The following NLRP11 variants were observed in gnomAD, a reference collection of about 807,000 sequenced individuals.
NLRP11 encodes the protein NLR family pyrin domain containing 11.
In NLRP11, 53 loss-of-function variants were observed where a neutral mutation model predicts 79.3. The ratio of observed to expected loss-of-function variants is 0.67; its 90% confidence interval spans 0.54 to 0.84. NLRP11 has a LOEUF of 0.84. Ranked by LOEUF, NLRP11 falls within the 40% of genes least tolerant of loss-of-function variation. NLRP11 has a pLI of 0.00. For synonymous variants in NLRP11, 518 were observed against 462.6 expected (o/e 1.12, Z -1.54); for missense variants, 1,264 against 1,255.0 (o/e 1.01, Z -0.11).
At chr19:55,832,574 C>G (rs1982902262), upstream of NLRP11, among the ~76,000 whole-genome samples, 1 of 152,238 alleles carries the variant, frequency 6.6e-6, no homozygotes, top group African/African-American at 2.4e-5. Context: ...GCGCAGGTAT[C>G]TGCTTTAGTC....
chr19:55,810,796 C>G (rs1267939024), intron 2 of NLRP11, among the ~76,000 whole-genome samples: 3 of 152,206 alleles, frequency 2.0e-5, no homozygotes, highest in Admixed American at 6.5e-5. Context: ...CTGCGCCCGG[C>G]CCATATTGCT....
chr19:55,794,168 G>A (rs1161088843), intron 6 of NLRP11, among the ~76,000 whole-genome samples: 3 of 152,092 alleles, frequency 2.0e-5, no homozygotes, highest in Admixed American at 6.5e-5. Flanking sequence ...AAATTATATT[G>A]TAGTGTTGTA....
At chr19:55,805,277 AAG>A (rs1189508251) in intron 4 of NLRP11, among the ~76,000 whole-genome samples, 11 of 152,146 alleles carry the variant, frequency 7.2e-5, no homozygotes, top group African/African-American at 2.6e-4. Context: ...CATTAAAGGA[AAG>A]AGACGGGAAG....
At chr19:55,817,175 T>A (rs200135575) in intron 2 of NLRP11, among the ~76,000 whole-genome samples, 4 of 150,590 alleles carry the variant, frequency 2.7e-5, no homozygotes, top group African/African-American at 7.4e-5. Context: ...TAAAAAAAAA[T>A]TTAAAAAATA....
At chr19:55,786,255 C>T (rs1989873268) in intron 9 of NLRP11, among the ~76,000 whole-genome samples, 1 of 152,192 alleles carries the variant, frequency 6.6e-6, no homozygotes, top group Non-Finnish European at 1.5e-5. Context: ...GGACGCAGTC[C>T]AGTCCCACGT....
chr19:55,816,667 C>T (rs1471328159), intron 2 of NLRP11, among the ~76,000 whole-genome samples: 1 of 152,068 alleles, frequency 6.6e-6, no homozygotes, highest in Non-Finnish European at 1.5e-5. Context: ...GGAGCGTACC[C>T]GGTTGTTAAC....
In NLRP11 at chr19:55,789,416, T is replaced by G; in HGVS notation, c.2514-17A>C. 2 of 1,603,638 alleles carry G rather than the reference T, an allele frequency of 1.2e-6. No homozygotes were observed. The highest frequency in any genetic ancestry group is 1.7e-6 in the Non-Finnish European group (2 of 1,175,422). ...CCAGACAGACTGCAAAACAGAAACA[T>G]GAGCTAGAGTCATGACCACCTGTCT... On this transcript the variant is annotated splice_polypyrimidine_tract_variant and intron_variant, in intron 7 of 9. Transcript: ENST00000589093.
rs954362007 is a variant in NLRP11, at chr19:55,795,368, A to G, written c.2342+712T>C. Among the ~76,000 whole-genome samples, 8 of 151,868 alleles carry G rather than the reference A, an allele frequency of 5.3e-5. 1 individual carries two copies. The highest frequency in any genetic ancestry group is 1.9e-4 in the East Asian group (1 of 5,156). On this transcript the variant is annotated intron_variant, in intron 6 of 9. Transcript: ENST00000589093. ...CTTTCGTCTTTGTGTTCTCAGTCAC[A>G]TCTCATCCTACACGACACCCAGTTC... is the stretch of plus-strand genomic sequence containing the variant.
chr19:55,789,187 T>C (rs1214353960), intron 8 of NLRP11, 42 bp downstream of exon 8: 2 of 1,563,080 alleles, frequency 1.3e-6, no homozygotes, highest in African/African-American at 1.4e-5. Flanking sequence ...TCTTCAGCTG[T>C]TGCTAGCTAA....
At chr19:55,831,561 C>CA (rs778650289) in intron 1 of NLRP11, among the ~76,000 whole-genome samples, 3 of 152,030 alleles carry the variant, frequency 2.0e-5, no homozygotes, top group Non-Finnish European at 2.9e-5. Flanking sequence ...GACTCCGTCT[C>CA]AAAATAAATA....
chr19:55,821,258 A>C (rs1981702796), intron 1 of NLRP11, among the ~76,000 whole-genome samples: 1 of 145,224 alleles, frequency 6.9e-6, no homozygotes, highest in African/African-American at 2.6e-5. Flanking sequence ...CACCCCAAGC[A>C]CTGAGTTTGT....
chr19:55,810,553 G>A (rs1271650085), intron 2 of NLRP11, among the ~76,000 whole-genome samples: 4 of 152,218 alleles, frequency 2.6e-5, no homozygotes, highest in Non-Finnish European at 5.9e-5. Context: ...CTGGAGTGCA[G>A]TGGCACGAAC....
intron 1 of NLRP11, among the ~76,000 whole-genome samples, chr19:55,829,460 C>T (rs377390087): frequency 1.1e-4 from 16 of 151,892 alleles, no homozygotes; most frequent in East Asian, 5.8e-4. Context: ...GTCAGGAGAT[C>T]GAGACCCCTA....
intron 2 of NLRP11, among the ~76,000 whole-genome samples, chr19:55,816,207 T>C (rs915402983): frequency 3.3e-5 from 5 of 152,164 alleles, no homozygotes; most frequent in Non-Finnish European, 7.3e-5. Context: ...TTCCATGCCA[T>C]TGGAAGCCAA....
At chr19:55,817,163 G>A (rs1981197533) in intron 2 of NLRP11, among the ~76,000 whole-genome samples, 1 of 145,106 alleles carries the variant, frequency 6.9e-6, no homozygotes, top group Admixed American at 6.8e-5. Flanking sequence ...GAATGGCCAT[G>A]ATAAAAAAAA....
exon 2 of NLRP11, chr19:55,818,015 T>C: frequency 6.2e-7 from 1 of 1,614,118 alleles, no homozygotes; most frequent in Non-Finnish European, 8.5e-7. Context: ...GGCAACACGT[T>C]AGCCAGTTCT....
intron 2 of NLRP11, among the ~76,000 whole-genome samples, chr19:55,811,970 T>TACACAC (rs3973377): frequency 0.058 from 8,581 of 149,154 alleles, 331 homozygotes; most frequent in East Asian, 0.14. Context: ...TTCACACATG[T>TACACAC]ACACACACAC....
intron 4 of NLRP11, among the ~76,000 whole-genome samples, chr19:55,804,259 C>T (rs112980182): frequency 0.033 from 5,049 of 152,244 alleles, 92 homozygotes; most frequent in South Asian, 0.07. Flanking sequence ...AATCCCATTA[C>T]TGGGTATATA....
intron 7 of NLRP11, among the ~76,000 whole-genome samples, chr19:55,790,275 C>T (rs946255933): frequency 3.9e-5 from 6 of 152,104 alleles, no homozygotes; most frequent in Non-Finnish European, 1.5e-5. Context: ...CTATAAGGGG[C>T]CAGATAATAG....
Sources: allele counts gnomAD v4.1 joint callset (sites outside exome capture counted in the v4.1 genomes callset), GRCh38; gene constraint gnomAD v4.1.1; transcripts MANE v1.5; gene names NCBI Gene and HGNC (gene_info 2026-07-23, HGNC 2026-07-21).